The following DST variants were observed in gnomAD, a reference collection of about 807,000 sequenced individuals.
DST encodes bullous pemphigoid antigen.
Under a neutral mutation model 875.2 loss-of-function variants are expected in DST, and 253 were observed. That is an observed-to-expected ratio of 0.29 (90% CI 0.26 to 0.32). The LOEUF is 0.32. Ranked by LOEUF, DST falls within the 10% of genes least tolerant of loss-of-function variation. The pLI, the probability that DST is intolerant of heterozygous loss-of-function variation, is 1.00. For missense variants in DST, 8,287 were observed against 9,111.6 expected (o/e 0.91, Z 3.68); for synonymous variants, 3,124 against 3,197.1 (o/e 0.98, Z 0.77).
chr6:56,854,344 G>A (rs1017837999), intron 3 of DST, among the ~76,000 whole-genome samples: 1 of 151,930 alleles, frequency 6.6e-6, no homozygotes, highest in African/African-American at 2.4e-5. Flanking sequence ...GAGGGCTCCT[G>A]TAATCAACAA....
intron 69 of DST, among the ~76,000 whole-genome samples, chr6:56,521,480 A>AT (rs2096702925): frequency 1.7e-4 from 2 of 11,690 alleles, no homozygotes; most frequent in Non-Finnish European, 4.6e-4. Flanking sequence ...TTCCCTATTT[A>AT]AAAAAAAAAA....
chr6:56,550,605 A>G (rs1005733600), intron 61 of DST, among the ~76,000 whole-genome samples: 2 of 152,242 alleles, frequency 1.3e-5, no homozygotes, highest in Admixed American at 6.5e-5. Context: ...ACCCGCAAAT[A>G]GCAGCACCAG....
intron 4 of DST, chr6:56,843,008 C>A: frequency 7.3e-7 from 1 of 1,362,602 alleles, no homozygotes; most frequent in East Asian, 2.7e-5. Flanking sequence ...GCGGTTGCCT[C>A]TCTGATCAGT....
intron 9 of DST, among the ~76,000 whole-genome samples, chr6:56,697,630 C>T (rs145385470): frequency 7.2e-5 from 11 of 152,212 alleles, no homozygotes; most frequent in Middle Eastern, 3.4e-3. Context: ...GAGCCAAGAA[C>T]GAAACTTAAT....
intron 5 of DST, among the ~76,000 whole-genome samples, chr6:56,705,973 C>A (rs1383711763): frequency 1.3e-5 from 2 of 152,084 alleles, no homozygotes; most frequent in Non-Finnish European, 2.9e-5. Context: ...TATTTAGCCC[C>A]AAAAAATGTT....
intron 55 of DST, among the ~76,000 whole-genome samples, chr6:56,568,075 C>A (rs2097712497): frequency 6.6e-6 from 1 of 152,154 alleles, no homozygotes; most frequent in Non-Finnish European, 1.5e-5. Flanking sequence ...CCTTCCCTCA[C>A]TTCTTTCCCA....
chr6:56,669,511 G>C (rs112766974), intron 10 of DST, among the ~76,000 whole-genome samples: 1 of 150,664 alleles, frequency 6.6e-6, no homozygotes, highest in African/African-American at 2.5e-5. Context: ...CAGGAGAATC[G>C]CTTGAACCTG....
At chr6:56,871,180 A>AC in intron 3 of DST, 2 of 736,468 alleles carry the variant, frequency 2.7e-6, no homozygotes, top group Non-Finnish European at 5.0e-6. Context: ...GGCCTGAGGT[A>AC]GTCTGTGAAA....
intron 63 of DST, 63 bp from the exon 64 acceptor site, chr6:56,532,573 G>A: frequency 4.3e-6 from 6 of 1,399,056 alleles, no homozygotes; most frequent in Non-Finnish European, 5.8e-6. Flanking sequence ...AAAGTACAAT[G>A]TATTCTAAGT....
At chr6:56,776,484 T>C (rs536895971) in intron 4 of DST, among the ~76,000 whole-genome samples, 1 of 152,342 alleles carries the variant, frequency 6.6e-6, no homozygotes, top group East Asian at 1.9e-4. Flanking sequence ...TAATTTAAGA[T>C]GCTAACAACA....
intron 5 of DST, among the ~76,000 whole-genome samples, chr6:56,720,433 T>C (rs1302821308): frequency 2.6e-5 from 4 of 151,278 alleles, no homozygotes; most frequent in Admixed American, 6.6e-5. Context: ...AGGACAATAG[T>C]GGAGAGAACG....
At chr6:56,951,884 C>T (rs1056011974) in intron 2 of DST, among the ~76,000 whole-genome samples, 2 of 152,124 alleles carry the variant, frequency 1.3e-5, no homozygotes, top group South Asian at 2.1e-4. Context: ...GAATTCTGAG[C>T]GATGTCCTGA....
At chr6:56,620,774 T>A (rs2098683676) in intron 36 of DST, 3 of 1,473,652 alleles carry the variant, frequency 2.0e-6, no homozygotes, top group Non-Finnish European at 2.8e-6. Context: ...TTACAACGTA[T>A]GAATCAATGT....
chr6:56,852,506 T>C (rs1765766869), intron 3 of DST, among the ~76,000 whole-genome samples: 1 of 152,186 alleles, frequency 6.6e-6, no homozygotes, highest in Admixed American at 6.5e-5. Context: ...GGAGCAAATC[T>C]GTAGGGTCAT....
intron 80 of DST, among the ~76,000 whole-genome samples, chr6:56,499,472 TC>T (rs2096045750): frequency 6.6e-6 from 1 of 152,140 alleles, no homozygotes; most frequent in Admixed American, 6.6e-5. Context: ...AAAAGAGAGT[TC>T]TATAAAATTC....
chr6:56,730,145 G>T (rs1010556316), intron 5 of DST, among the ~76,000 whole-genome samples: 1 of 151,992 alleles, frequency 6.6e-6, no homozygotes, highest in African/African-American at 2.4e-5. Context: ...ACCATAAATT[G>T]CCAATTAGAT....
chr6:56,466,028 T>C (rs1035898014), intron 99 of DST, 50 bp downstream of exon 99: 23 of 1,414,594 alleles, frequency 1.6e-5, no homozygotes, highest in East Asian at 2.4e-5. Flanking sequence ...CTGGATATAA[T>C]ATAAAATTGA....
chr6:56,812,109 A>AAAAAAAAAAG (rs1554158454), intron 4 of DST, among the ~76,000 whole-genome samples: 25 of 111,824 alleles, frequency 2.2e-4, no homozygotes, highest in African/African-American at 8.3e-4. Flanking sequence ...CTCAAAAAAA[A>AAAAAAAAAAG]AAAAGAAAAG....
intron 32 of DST, 124 bp from the exon 33 acceptor site, chr6:56,628,285 T>G (rs2098750641): frequency 1.2e-6 from 1 of 839,530 alleles, no homozygotes; most frequent in Non-Finnish European, 1.9e-6. Context: ...CGGGTATGTA[T>G]AAAGAACTCA....
Sources: gnomAD v4.1 joint callset for allele counts (sites outside exome capture counted in the v4.1 genomes callset) on GRCh38, gnomAD v4.1.1 for gene constraint, MANE v1.5 for transcripts, NCBI Gene and HGNC (gene_info 2026-07-23, HGNC 2026-07-21) for gene names.